Variants in MYO1B observed in about 807,000 individuals in gnomAD.
The protein encoded by MYO1B is myosin IB, also known as unconventional myosin-Ib.
Under a neutral mutation model 159.7 loss-of-function variants are expected in MYO1B, and 72 were observed. That is an observed-to-expected ratio of 0.45 (90% CI 0.37 to 0.55). The LOEUF is 0.55. MYO1B is among the 20% of genes least tolerant of loss of function. MYO1B has a pLI of 0.00. For synonymous variants in MYO1B, 468 were observed against 473.8 expected (o/e 0.99, Z 0.16); for missense variants, 1,062 against 1,364.8 (o/e 0.78, Z 3.50).
At chr2:191,268,956 G>A (rs1196300744) in intron 1 of MYO1B, among the ~76,000 whole-genome samples, 1 of 152,222 alleles carries the variant, frequency 6.6e-6, no homozygotes, top group Non-Finnish European at 1.5e-5. Flanking sequence ...GAGAAAGGCT[G>A]TGGAATCATG....
chr2:191,251,828 G>A (rs578247861), intron 1 of MYO1B, among the ~76,000 whole-genome samples: 71 of 152,246 alleles, frequency 4.7e-4, no homozygotes, highest in Non-Finnish European at 8.2e-4. Flanking sequence ...TTTTCACATT[G>A]CAACCACAAC....
chr2:191,388,336 A>G (rs921063148), intron 17 of MYO1B: 1 of 151,760 alleles, frequency 6.6e-6, no homozygotes, highest in African/African-American at 2.4e-5. Context: ...CTTCTAGGGC[A>G]TCTTAGACAG....
intron 3 of MYO1B, among the ~76,000 whole-genome samples, chr2:191,313,304 G>A (rs1206594123): frequency 1.4e-5 from 2 of 144,320 alleles, no homozygotes; most frequent in African/African-American, 5.1e-5. Flanking sequence ...TCTGCCTCCC[G>A]GGTTCCAGGA....
At chr2:191,345,884 A>T (rs553068559) in intron 5 of MYO1B, among the ~76,000 whole-genome samples, 1 of 152,362 alleles carries the variant, frequency 6.6e-6, no homozygotes, top group Non-Finnish European at 1.5e-5. Context: ...TTATTCAGTG[A>T]TGATAATCCT....
At position 191,378,738 on chromosome 2, in the gene MYO1B, G is replaced by T. The variant is rs541690678; in HGVS notation, c.1186-2724G>T. 1.8e-4 allele frequency among the ~76,000 whole-genome samples: 27 copies of T among 152,168 alleles called. No homozygotes were observed. In the South Asian group the frequency reaches 5.6e-3, roughly 32 times the overall value. On this transcript the variant is annotated intron_variant, in intron 13 of 30. Coordinates refer to ENST00000392318, the MANE Select transcript of MYO1B (RefSeq NM_001130158.3). The stretch of plus-strand genomic sequence containing the variant: ...GGGACGGCGAAAATTTTGGGGGGTG[G>T]TATGGAGAGAGAATGAGCAATGTTT...
chr2:191,378,382 A>G (rs1229928995), intron 13 of MYO1B, among the ~76,000 whole-genome samples: 1 of 151,840 alleles, frequency 6.6e-6, no homozygotes, highest in Non-Finnish European at 1.5e-5. Context: ...GGGTGGTGGG[A>G]TTATCATTAG....
intron 1 of MYO1B, among the ~76,000 whole-genome samples, chr2:191,271,939 T>C (rs1687478124): frequency 6.6e-6 from 1 of 152,210 alleles, no homozygotes; most frequent in South Asian, 2.1e-4. Flanking sequence ...AGGTTAGTGA[T>C]TGGGTAGACT....
intron 3 of MYO1B, among the ~76,000 whole-genome samples, chr2:191,327,507 C>T (rs1445954965): frequency 6.6e-6 from 1 of 152,222 alleles, no homozygotes; most frequent in East Asian, 1.9e-4. Flanking sequence ...TGAAGTTCAG[C>T]CATGGTAATG....
intron 27 of MYO1B, 69 bp from the exon 28 acceptor site, chr2:191,413,979 C>CG: frequency 6.7e-7 from 1 of 1,500,262 alleles, no homozygotes; most frequent in Non-Finnish European, 9.0e-7. Flanking sequence ...ATCAACTGAC[C>CG]TGTTTCCTTT....
At chr2:191,412,401 T>G (rs1157192709) in intron 27 of MYO1B, among the ~76,000 whole-genome samples, 2 of 152,246 alleles carry the variant, frequency 1.3e-5, no homozygotes, top group African/African-American at 4.8e-5. Context: ...ATTTTTATAA[T>G]TTAAAACACA....
At chr2:191,290,636 C>G (rs1231342722) in intron 2 of MYO1B, among the ~76,000 whole-genome samples, 1 of 152,138 alleles carries the variant, frequency 6.6e-6, no homozygotes, top group African/African-American at 2.4e-5. Context: ...CATACACATA[C>G]CTGGTTGTGA....
chr2:191,409,322 AC>A, intron 26 of MYO1B, 144 bp downstream of exon 26: 1 of 952,410 alleles, frequency 1.0e-6, no homozygotes, highest in Non-Finnish European at 1.5e-6. Context: ...TCCCCCATGC[AC>A]CATATTGAGT....
At chr2:191,388,167 C>T (rs1695511209) in intron 17 of MYO1B, 1 of 152,130 alleles carries the variant, frequency 6.6e-6, no homozygotes, top group African/African-American at 2.4e-5. Context: ...ACCTATAATC[C>T]CAACTACTTG....
At chr2:191,381,187 A>G (rs554285158) in intron 13 of MYO1B, 249 of 444,464 alleles carry the variant, frequency 5.6e-4, no homozygotes, top group South Asian at 9.1e-4. Context: ...GATTGTTTCT[A>G]GCTTTTCTGT....
chr2:191,304,940 A>G (rs116707149), intron 3 of MYO1B, among the ~76,000 whole-genome samples: 1 of 152,148 alleles, frequency 6.6e-6, no homozygotes, highest in South Asian at 2.1e-4. Context: ...CAGTGATACA[A>G]TCTTAAAGGG....
At position 191,400,845 on chromosome 2, in the gene MYO1B, G is replaced by A. The variant is rs1248826012; in HGVS notation, c.2469+10G>A. On this transcript the variant is annotated intron_variant, in intron 23 of 30. Transcript: ENST00000392318. ...CTGGCTTGGATCTAAGGTACTTGAT[G>A]CACATATCCCAACACTCCATCCTGG... 1 of 1,611,740 alleles carries A rather than the reference G, an allele frequency of 6.2e-7. No homozygotes were observed. The highest frequency in any genetic ancestry group is 8.5e-7 in the Non-Finnish European group (1 of 1,178,138).
At chr2:191,254,821 A>G (rs1686339845) in intron 1 of MYO1B, among the ~76,000 whole-genome samples, 1 of 152,098 alleles carries the variant, frequency 6.6e-6, no homozygotes, top group South Asian at 2.1e-4. Context: ...GTACTTTTAG[A>G]AGTAAGGAAG....
intron 3 of MYO1B, among the ~76,000 whole-genome samples, chr2:191,311,938 A>G: frequency 6.6e-6 from 1 of 152,218 alleles, no homozygotes; most frequent in East Asian, 1.9e-4. Flanking sequence ...CACTTTGAAC[A>G]TTTGCCTCCT....
At chr2:191,420,435 A>G (rs557598179) in intron 30 of MYO1B, among the ~76,000 whole-genome samples, 1 of 152,302 alleles carries the variant, frequency 6.6e-6, no homozygotes, top group East Asian at 1.9e-4. Context: ...AGACAAGTAC[A>G]CTATTTTTTA....
Sources: gnomAD v4.1 joint callset for allele counts (sites outside exome capture counted in the v4.1 genomes callset) on GRCh38, gnomAD v4.1.1 for gene constraint, MANE v1.5 for transcripts, NCBI Gene and HGNC (gene_info 2026-07-23, HGNC 2026-07-21) for gene names.